Variants in KATNBL1 observed in about 807,000 individuals in gnomAD.
KATNBL1 encodes the protein katanin regulatory subunit B1 like 1, also known as KATNB1-like protein 1.
KATNBL1 carries 28 observed loss-of-function variants against 44.7 expected under a neutral mutation model. That is an observed-to-expected ratio of 0.63 (90% CI 0.46 to 0.86). The LOEUF is 0.86. Among genes scored for constraint, KATNBL1 ranks in the 40% least tolerant of loss-of-function variants. KATNBL1 has a pLI of 0.00. For synonymous variants in KATNBL1, 78 were observed against 114.9 expected (o/e 0.68, Z 2.06); for missense variants, 272 against 350.7 (o/e 0.78, Z 1.79).
intron 2 of KATNBL1, among the ~76,000 whole-genome samples, chr15:34,159,193 A>C (rs1014523479): frequency 2.0e-5 from 3 of 152,008 alleles, no homozygotes; most frequent in African/African-American, 7.3e-5. Flanking sequence ...CTACAGATTG[A>C]ATACATTTAG....
At chr15:34,165,110 T>C (rs1888924756) in intron 1 of KATNBL1, among the ~76,000 whole-genome samples, 1 of 152,166 alleles carries the variant, frequency 6.6e-6, no homozygotes, top group Admixed American at 6.5e-5. Flanking sequence ...AATAATACAA[T>C]AAGTACTCTG....
chr15:34,164,773 A>T (rs1484718475), intron 1 of KATNBL1, among the ~76,000 whole-genome samples: 1 of 152,206 alleles, frequency 6.6e-6, no homozygotes, highest in Non-Finnish European at 1.5e-5. Context: ...GTTAATGTAG[A>T]TGGTGCTCAG....
chr15:34,149,047 T>C (rs576121552), intron 4 of KATNBL1, among the ~76,000 whole-genome samples: 19 of 152,302 alleles, frequency 1.2e-4, no homozygotes, highest in African/African-American at 1.7e-4. Flanking sequence ...AAAAGAAAAA[T>C]GTAAACATGT....
At chr15:34,183,358 T>C (rs1387741530) in intron 1 of KATNBL1, among the ~76,000 whole-genome samples, 3 of 152,202 alleles carry the variant, frequency 2.0e-5, no homozygotes, top group African/African-American at 7.2e-5. Context: ...CCCAGCTCTC[T>C]GGAAAGCTTT....
rs556864214 is a variant in KATNBL1 at position 34,147,206 on chromosome 15, A to T, written c.692T>A (p.Phe231Tyr). ...GATTCAGATTAGCACTTACTCTTCA[A>T]ATTTGCTTTTAAGTAGTGACTTTAC... The part of the protein sequence containing the change: ...PLVKSLLKSK[F>Y]EEYVIVGLNW... Residue 231 changes from phenylalanine to tyrosine, a missense_variant, in exon 7 of 10, where the codon TTT becomes TAT. Phe to Tyr is a conservative substitution (Grantham distance 22). This residue lies in a region of KATNBL1 where 111 missense variants were observed against 149.3 expected (regional missense o/e 0.74). Transcript: ENST00000256544. 1 of 1,588,904 alleles carries T rather than the reference A, an allele frequency of 6.3e-7. No homozygotes were observed. Among genetic ancestry groups the T allele is most frequent in the Admixed American group, 1.7e-5 (1 of 59,752 alleles).
At chr15:34,175,986 T>C (rs1175226178) in intron 1 of KATNBL1, among the ~76,000 whole-genome samples, 1 of 152,176 alleles carries the variant, frequency 6.6e-6, no homozygotes, top group Non-Finnish European at 1.5e-5. Context: ...TTATTCACAA[T>C]AGCCAAAAAG....
chr15:34,169,132 A>G (rs1420258602), intron 1 of KATNBL1, among the ~76,000 whole-genome samples: 1 of 152,224 alleles, frequency 6.6e-6, no homozygotes, highest in South Asian at 2.1e-4. Flanking sequence ...CCCTTCAAAA[A>G]AAATCAATGA....
chr15:34,205,841 G>A (rs1890280726), intron 1 of KATNBL1, among the ~76,000 whole-genome samples: 1 of 152,144 alleles, frequency 6.6e-6, no homozygotes, highest in South Asian at 2.1e-4. Flanking sequence ...CTGCTGTACT[G>A]AAGCTTATAT....
At chr15:34,188,120 C>G (rs1377127555) in intron 1 of KATNBL1, among the ~76,000 whole-genome samples, 2 of 84,264 alleles carry the variant, frequency 2.4e-5, no homozygotes, top group African/African-American at 9.2e-5. Context: ...GCCTGGGTGA[C>G]AGAGGAAGAC....
intron 1 of KATNBL1, among the ~76,000 whole-genome samples, chr15:34,186,949 C>T (rs1889734686): frequency 6.6e-6 from 1 of 152,232 alleles, no homozygotes; most frequent in Non-Finnish European, 1.5e-5. Context: ...CCACCCATGA[C>T]AGCCCATGGA....
intron 2 of KATNBL1, among the ~76,000 whole-genome samples, chr15:34,156,608 A>G (rs576035282): frequency 6.6e-6 from 1 of 152,270 alleles, no homozygotes; most frequent in South Asian, 2.1e-4. Flanking sequence ...GAAGAACAAC[A>G]GTTTTGTTGT....
At chr15:34,180,301 T>C (rs932741541) in intron 1 of KATNBL1, among the ~76,000 whole-genome samples, 2 of 152,008 alleles carry the variant, frequency 1.3e-5, no homozygotes, top group Non-Finnish European at 2.9e-5. Context: ...ATTAAACCTA[T>C]ATAGGAGCCT....
At chr15:34,198,054 C>T (rs760256432) in intron 1 of KATNBL1, among the ~76,000 whole-genome samples, 3 of 152,054 alleles carry the variant, frequency 2.0e-5, no homozygotes, top group South Asian at 2.1e-4. Context: ...CGCACCCAGC[C>T]GAGTTTCTTT....
At chr15:34,183,565 T>C (rs1889626404) in intron 1 of KATNBL1, among the ~76,000 whole-genome samples, 1 of 152,194 alleles carries the variant, frequency 6.6e-6, no homozygotes, top group Non-Finnish European at 1.5e-5. Context: ...ATTAAAGACA[T>C]TTATGTATTT....
Position 34,181,817 on chromosome 15 carries a change from T to TATATATA in KATNBL1, c.-14-18128_-14-18127insTATATAT, listed in dbSNP as rs1889565831. Among the ~76,000 whole-genome samples the TATATATA allele has an allele frequency of 5.2e-4, 61 of 117,860 alleles. 4 individuals are homozygous for TATATATA. The highest frequency in any genetic ancestry group is 6.9e-4 in the Non-Finnish European group (38 of 54,940). The allele number at this position is 117,860 out of a possible 152,430, so 77.3% of individuals were successfully genotyped here. On this transcript the variant is annotated intron_variant, in intron 1 of 9. Transcript: ENST00000256544. ...ATATCCATATATATACATATATACATGTCCATATATATCCATATATATACA... is the reference window on the plus strand; with the variant it reads ...ATATCCATATATATACATATATACATATATATAGTCCATATATATCCATATATATACA...
At chr15:34,142,435 T>A in intron 9 of KATNBL1, 64 bp from the exon 10 acceptor site, 2 of 1,335,046 alleles carry the variant, frequency 1.5e-6, no homozygotes, top group Non-Finnish European at 2.0e-6. Context: ...AAACAATCCA[T>A]TTTTTTTTGT....
chr15:34,204,847 G>C (rs1890252483), intron 1 of KATNBL1, among the ~76,000 whole-genome samples: 1 of 152,198 alleles, frequency 6.6e-6, no homozygotes, highest in African/African-American at 2.4e-5. Flanking sequence ...AGAAGTCCCT[G>C]AATGCTAGGT....
chr15:34,193,198 C>G (rs1889928155), intron 1 of KATNBL1, among the ~76,000 whole-genome samples: 1 of 113,524 alleles, frequency 8.8e-6, no homozygotes, highest in African/African-American at 3.5e-5. Flanking sequence ...GCCTGGGCGA[C>G]AGAGCGAGAC....
chr15:34,146,848 T>C lies in KATNBL1; in HGVS notation c.701A>G (p.Tyr234Cys), dbSNP rs150678561. ...AAGCCAGTTTAAACCAACTATAACA[T>C]ATCTGAAATGACATTTTGTTACAAA... is the stretch of plus-strand genomic sequence containing the variant. ...KSLLKSKFEEYVIVGLNWLQA... is the reference protein window; with the variant it reads ...KSLLKSKFEECVIVGLNWLQA... The change falls in exon 8 of 10, where the codon TAT (tyrosine) becomes TGT (cysteine). Residue 234 changes from tyrosine to cysteine, a missense_variant and splice_region_variant. Transcript: ENST00000256544. 1.9e-4 allele frequency: 294 copies of C among 1,577,590 alleles called. No homozygotes were observed. The highest frequency in any genetic ancestry group is 2.5e-4 in the Non-Finnish European group (285 of 1,147,660).
Sources: gnomAD v4.1 joint callset for allele counts (sites outside exome capture counted in the v4.1 genomes callset) on GRCh38, gnomAD v4.1.1 for gene constraint, gnomAD v4.1.1 regional missense constraint, MANE v1.5 for transcripts, NCBI Gene and HGNC (gene_info 2026-07-23, HGNC 2026-07-21) for gene names.